Variants in ELF1 observed in about 807,000 individuals in gnomAD.
ELF1 encodes E74 like ETS transcription factor 1, also known as ETS-related transcription factor Elf-1.
Under a neutral mutation model 59.9 loss-of-function variants are expected in ELF1, and 24 were observed. The ratio of observed to expected loss-of-function variants is 0.40; its 90% CI spans 0.29 to 0.56. The LOEUF is 0.56. Ranked by LOEUF, ELF1 falls within the 20% of genes least tolerant of loss-of-function variation. The pLI, the probability that ELF1 is intolerant of heterozygous loss-of-function variation, is 0.44. For synonymous variants in ELF1, 248 were observed against 266.2 expected, an observed-to-expected ratio of 0.93 and a Z score of 0.67; for missense variants, 627 against 742.2, an observed-to-expected ratio of 0.84 and a Z score of 1.80.
Position 40,933,998 on chromosome 13 carries a change from C to G in ELF1, c.1287G>C (p.Val429=). 1 of 1,614,078 alleles carries G rather than the reference C, an allele frequency of 6.2e-7. No individual in the cohort carries two copies. The highest frequency in any genetic ancestry group is 8.5e-7 in the Non-Finnish European group (1 of 1,179,954). The change falls in exon 9 of 9, where the codon GTG becomes GTC. Residue 429 remains valine (V), a synonymous_variant. Coordinates refer to ENST00000239882, the MANE Select transcript of ELF1 (RefSeq NM_172373.4). ...ACTGCTGATTCCTAGGAGACACAACCACTGGAACTTGGGTTGGAGCCTGTA... is the reference window on the plus strand; with the variant it reads ...ACTGCTGATTCCTAGGAGACACAACGACTGGAACTTGGGTTGGAGCCTGTA... The part of the protein sequence containing the change: ...RTIQAPTQVP[V]VVSPRNQQLH...
At chr13:41,049,962 C>A (rs557974455) in intron 1 of ELF1, among the ~76,000 whole-genome samples, 1 of 152,308 alleles carries the variant, frequency 6.6e-6, no homozygotes, top group Admixed American at 6.5e-5. Flanking sequence ...TGTTTACATT[C>A]ATAAATAATG....
At chr13:41,052,869 T>C (rs369943959) in intron 1 of ELF1, among the ~76,000 whole-genome samples, 5 of 152,378 alleles carry the variant, frequency 3.3e-5, no homozygotes, top group East Asian at 1.9e-4. Flanking sequence ...ACTTTCATCA[T>C]AGTCTACTTC....
At chr13:41,012,723 T>A (rs979129687) in intron 1 of ELF1, among the ~76,000 whole-genome samples, 15 of 150,020 alleles carry the variant, frequency 1.0e-4, no homozygotes, top group South Asian at 4.2e-4. Context: ...TAAAAAAAAA[T>A]TTTTTTTTTC....
chr13:41,059,313 C>T (rs1410381514), intron 1 of ELF1, among the ~76,000 whole-genome samples: 1 of 152,222 alleles, frequency 6.6e-6, no homozygotes, highest in Non-Finnish European at 1.5e-5. Context: ...AGTATTCTAT[C>T]CACTAGCTAA....
intron 1 of ELF1, among the ~76,000 whole-genome samples, chr13:40,984,547 C>A (rs909367020): frequency 1.3e-5 from 2 of 152,116 alleles, no homozygotes; most frequent in Non-Finnish European, 2.9e-5. Context: ...GCTTGCATTA[C>A]AGAATGAGAC....
chr13:41,023,493 A>G (rs1176975871), upstream of ELF1, among the ~76,000 whole-genome samples: 1 of 152,222 alleles, frequency 6.6e-6, no homozygotes, highest in East Asian at 1.9e-4. Context: ...ACTGAGATTG[A>G]GTGTTATGAA....
Position 41,031,818 on chromosome 13 carries a change from CAAAAAAAAAAA to C in ELF1, c.-229+29009_-229+29019del, listed in dbSNP as rs3072004. Among the ~76,000 whole-genome samples, 5 of 82,194 alleles carry C rather than the reference CAAAAAAAAAAA, an allele frequency of 6.1e-5. No individual in the cohort carries two copies. In the East Asian group the frequency reaches 1.6e-3, roughly 26 times the overall value. 53.9% of individuals were successfully genotyped at this position (82,194 alleles called of 152,430 possible). The stretch of plus-strand genomic sequence containing the variant: ...TGGGCAACAGAGCAAGACTCCGTGT[CAAAAAAAAAAA>C]AAAAAAAAAAAGTCTCCTCATCAAA... On this transcript the variant is annotated intron_variant, in intron 1 of 1. Coordinates refer to the ELF1 transcript ENST00000405737.
intron 2 of ELF1, among the ~76,000 whole-genome samples, chr13:40,972,354 C>G (rs1872605951): frequency 6.6e-6 from 1 of 152,156 alleles, no homozygotes; most frequent in Non-Finnish European, 1.5e-5. Flanking sequence ...TCCCTTACGG[C>G]ATAAGTCCAC....
chr13:41,057,067 G>A (rs1248002225), intron 1 of ELF1, among the ~76,000 whole-genome samples: 1 of 151,960 alleles, frequency 6.6e-6, no homozygotes, highest in Non-Finnish European at 1.5e-5. Flanking sequence ...GATTTTAGCT[G>A]AAATGCAGTA....
chr13:40,986,737 A>G (rs2138287131), intron 1 of ELF1, among the ~76,000 whole-genome samples: 1 of 152,264 alleles, frequency 6.6e-6, no homozygotes, highest in East Asian at 1.9e-4. Context: ...CAAAACCCTC[A>G]GCCACACTAC....
intron 4 of ELF1, among the ~76,000 whole-genome samples, chr13:40,950,900 AAGG>A (rs1870806712): frequency 6.6e-6 from 1 of 152,234 alleles, no homozygotes; most frequent in Non-Finnish European, 1.5e-5. Flanking sequence ...GAAAAGCCCA[AAGG>A]AGAACAGGAA....
intron 8 of ELF1, 133 bp downstream of exon 8, chr13:40,940,788 C>T: frequency 2.9e-6 from 3 of 1,029,708 alleles, no homozygotes; most frequent in East Asian, 2.6e-5. Flanking sequence ...CCTGAAAAAT[C>T]TGGTAACCAA....
At chr13:40,963,961 G>A (rs1358846866) in intron 2 of ELF1, among the ~76,000 whole-genome samples, 2 of 151,934 alleles carry the variant, frequency 1.3e-5, no homozygotes, top group Non-Finnish European at 2.9e-5. Context: ...GCTTGAATCT[G>A]TATATACAAA....
chr13:41,042,567 T>C (rs1295377994), intron 1 of ELF1, among the ~76,000 whole-genome samples: 1 of 152,154 alleles, frequency 6.6e-6, no homozygotes, highest in Non-Finnish European at 1.5e-5. Flanking sequence ...TGTTTGGTTT[T>C]TTGTCCTTGC....
intron 2 of ELF1, among the ~76,000 whole-genome samples, chr13:40,976,324 CTCT>C (rs1431793657): frequency 6.6e-6 from 1 of 152,220 alleles, no homozygotes; most frequent in Non-Finnish European, 1.5e-5. Flanking sequence ...AGAACACCTC[CTCT>C]TCTTCATCTG....
At chr13:41,029,677 C>G (rs1876086718) in intron 1 of ELF1, among the ~76,000 whole-genome samples, 3 of 152,106 alleles carry the variant, frequency 2.0e-5, no homozygotes. Flanking sequence ...CCAAAGTGCC[C>G]AGGGAGATAA....
intron 2 of ELF1, among the ~76,000 whole-genome samples, chr13:40,963,768 A>T (rs541401379): frequency 2.6e-5 from 4 of 152,122 alleles, no homozygotes; most frequent in Non-Finnish European, 5.9e-5. Context: ...TTAGCTGGGC[A>T]TGGTGGCATG....
chr13:40,990,546 T>C (rs1873787158), intron 1 of ELF1, among the ~76,000 whole-genome samples: 1 of 152,108 alleles, frequency 6.6e-6, no homozygotes, highest in African/African-American at 2.4e-5. Context: ...TTACCTTCAA[T>C]ATAATCTCTT....
At chr13:41,001,786 A>G (rs1430318493) in intron 1 of ELF1, among the ~76,000 whole-genome samples, 1 of 152,162 alleles carries the variant, frequency 6.6e-6, no homozygotes, top group African/African-American at 2.4e-5. Context: ...CTCCAGCCCA[A>G]CAGTTCAAGG....
Sources: gnomAD v4.1 joint callset for allele counts (sites outside exome capture counted in the v4.1 genomes callset) on GRCh38, gnomAD v4.1.1 for gene constraint, MANE v1.5 for transcripts, NCBI Gene and HGNC (gene_info 2026-07-23, HGNC 2026-07-21) for gene names.